ROBO2: variants seen among roughly 807,000 people sequenced by gnomAD.
ROBO2 encodes the protein roundabout homolog 2.
In ROBO2, 53 loss-of-function variants were observed where a neutral mutation model predicts 160.8. The ratio of observed to expected loss-of-function variants is 0.33; its 90% CI spans 0.26 to 0.41. The LOEUF (loss-of-function observed/expected upper bound fraction) is 0.41. Ranked by LOEUF, ROBO2 falls within the 10% of genes least tolerant of loss-of-function variation. The pLI is 1.00. For synonymous variants in ROBO2, 664 were observed against 611.7 expected (o/e 1.09, Z -1.26); for missense variants, 1,577 against 1,722.4 (o/e 0.92, Z 1.49).
intron 2 of ROBO2, among the ~76,000 whole-genome samples, chr3:76,670,027 A>T (rs1164475762): frequency 6.6e-6 from 1 of 152,190 alleles, no homozygotes; most frequent in Non-Finnish European, 1.5e-5. Flanking sequence ...ATTAAAGCTG[A>T]ATATAGTAAG....
At chr3:76,069,754 G>A (rs2068383377) in intron 2 of ROBO2, among the ~76,000 whole-genome samples, 1 of 152,152 alleles carries the variant, frequency 6.6e-6, no homozygotes, top group African/African-American at 2.4e-5. Context: ...TTAGCTAAGG[G>A]AAAGTCTAAG....
At chr3:77,417,931 TAA>T (rs201990482) in intron 2 of ROBO2, among the ~76,000 whole-genome samples, 5,443 of 152,206 alleles carry the variant, frequency 0.036, 171 homozygotes, top group Non-Finnish European at 0.055. Context: ...ACATATTTTT[TAA>T]AGTTTCCTTT....
intron 2 of ROBO2, among the ~76,000 whole-genome samples, chr3:76,343,361 G>C (rs1370438780): frequency 2.6e-5 from 4 of 152,004 alleles, no homozygotes; most frequent in Non-Finnish European, 5.9e-5. Context: ...TCCTAGCTGA[G>C]TTTAGTGTGG....
intron 2 of ROBO2, among the ~76,000 whole-genome samples, chr3:77,198,013 AT>A (rs2082466149): frequency 6.6e-6 from 1 of 152,162 alleles, no homozygotes; most frequent in Non-Finnish European, 1.5e-5. Context: ...AGGGGCCAGA[AT>A]TTTGTCCTAT....
intron 2 of ROBO2, among the ~76,000 whole-genome samples, chr3:76,275,405 G>C (rs996429424): frequency 1.3e-5 from 2 of 152,072 alleles, no homozygotes; most frequent in African/African-American, 2.4e-5. Flanking sequence ...ATAGCAAGCA[G>C]GATGCCTAGT....
intron 2 of ROBO2, among the ~76,000 whole-genome samples, chr3:76,494,469 G>T (rs1167414181): frequency 6.6e-6 from 1 of 152,130 alleles, no homozygotes; most frequent in East Asian, 1.9e-4. Context: ...AAACTACGGG[G>T]GGAGGCTAAA....
chr3:77,282,069 A>G (rs937492285), intron 2 of ROBO2, among the ~76,000 whole-genome samples: 4 of 152,150 alleles, frequency 2.6e-5, no homozygotes, highest in African/African-American at 9.7e-5. Context: ...AATGCTATGT[A>G]AATAGTTAAT....
chr3:76,046,855 G>A (rs2107793742), intron 2 of ROBO2, among the ~76,000 whole-genome samples: 1 of 150,554 alleles, frequency 6.6e-6, no homozygotes, highest in East Asian at 1.9e-4. Flanking sequence ...CCTCCTTTGT[G>A]CATGTTAATT....
chr3:76,411,427 A>C, intron 2 of ROBO2, among the ~76,000 whole-genome samples: 1 of 152,274 alleles, frequency 6.6e-6, no homozygotes, highest in Admixed American at 6.5e-5. Flanking sequence ...GTAAGAAAAT[A>C]CTTTTCTATT....
chr3:76,657,268 A>G (rs1476022168), intron 2 of ROBO2, among the ~76,000 whole-genome samples: 1 of 151,874 alleles, frequency 6.6e-6, no homozygotes, highest in Non-Finnish European at 1.5e-5. Flanking sequence ...TACTAAAAAT[A>G]CAAAAAATTA....
At chr3:77,388,721 A>T (rs1185088711) in intron 2 of ROBO2, among the ~76,000 whole-genome samples, 1 of 152,186 alleles carries the variant, frequency 6.6e-6, no homozygotes, top group African/African-American at 2.4e-5. Flanking sequence ...CAAGTATTTT[A>T]TCATGGATCT....
chr3:76,021,345 A>T (rs1270817204), intron 2 of ROBO2, among the ~76,000 whole-genome samples: 1 of 151,840 alleles, frequency 6.6e-6, no homozygotes, highest in Non-Finnish European at 1.5e-5. Context: ...AAAGTTCACC[A>T]CCACTCTCAC....
At chr3:76,790,858 T>C (rs998468755) in intron 2 of ROBO2, among the ~76,000 whole-genome samples, 1 of 151,748 alleles carries the variant, frequency 6.6e-6, no homozygotes, top group Admixed American at 6.6e-5. Flanking sequence ...ATCTGGGTTC[T>C]TTTCAGCCCT....
rs568233176 is a variant in ROBO2, at chr3:76,163,525, A to G, written c.109+225923A>G. Among the ~76,000 whole-genome samples the G allele has an allele frequency of 2.3e-4, 34 of 149,112 alleles. No homozygotes were observed. In the South Asian group the frequency reaches 6.5e-3, roughly 28 times the overall value. On this transcript the variant is annotated intron_variant, in intron 2 of 26. Transcript: ENST00000487694. ...TTATATATTATATTTATATAATGTT[A>G]TATTGTATATGAATATATTTGAATT...
intron 3 of ROBO2, among the ~76,000 whole-genome samples, chr3:77,479,696 T>C (rs926263207): frequency 1.3e-5 from 2 of 152,214 alleles, no homozygotes; most frequent in South Asian, 2.1e-4. Flanking sequence ...AGTAAAATCA[T>C]TGTTTATGGA....
At chr3:76,144,898 A>T (rs930488738) in intron 2 of ROBO2, among the ~76,000 whole-genome samples, 1 of 142,348 alleles carries the variant, frequency 7.0e-6, no homozygotes, top group Admixed American at 7.1e-5. Context: ...ATCTGCAGCT[A>T]CAAGCTGGCT....
At chr3:76,275,626 T>C (rs1414574668) in intron 2 of ROBO2, among the ~76,000 whole-genome samples, 1 of 152,160 alleles carries the variant, frequency 6.6e-6, no homozygotes, top group Admixed American at 6.6e-5. Flanking sequence ...CAGGCAGAAA[T>C]ATTTTCTATT....
intron 2 of ROBO2, among the ~76,000 whole-genome samples, chr3:76,885,076 G>A (rs946854023): frequency 2.0e-5 from 3 of 152,140 alleles, no homozygotes; most frequent in African/African-American, 4.8e-5. Context: ...ACGTCTGAAT[G>A]ATTTAAGGCT....
chr3:77,152,962 T>G (rs1425761163), intron 2 of ROBO2, among the ~76,000 whole-genome samples: 3 of 152,188 alleles, frequency 2.0e-5, no homozygotes, highest in Non-Finnish European at 4.4e-5. Context: ...CAACCACTGA[T>G]CTACTCTATC....
Sources: gnomAD v4.1 joint callset for allele counts (sites outside exome capture counted in the v4.1 genomes callset) on GRCh38, gnomAD v4.1.1 for gene constraint, MANE v1.5 for transcripts, NCBI Gene and HGNC (gene_info 2026-07-23, HGNC 2026-07-21) for gene names.